Variants in PCDH15 observed in about 807,000 individuals in gnomAD.
PCDH15 encodes the protein protocadherin-15.
In PCDH15, 129 loss-of-function variants were observed where a neutral mutation model predicts 178.5. That is an observed-to-expected ratio of 0.72 (90% CI 0.63 to 0.84). PCDH15 has a LOEUF of 0.84. Ranked by LOEUF, PCDH15 falls within the 40% of genes least tolerant of loss-of-function variation. PCDH15 has a pLI of 0.00. For missense variants in PCDH15, 2,230 were observed against 2,099.9 expected, an observed-to-expected ratio of 1.06 and a Z score of -1.21; for synonymous variants, 800 against 732.0, an observed-to-expected ratio of 1.09 and a Z score of -1.50.
At chr10:55,016,051 G>C (rs1240560506) in intron 2 of PCDH15, among the ~76,000 whole-genome samples, 1 of 145,580 alleles carries the variant, frequency 6.9e-6, no homozygotes, top group South Asian at 2.3e-4. Context: ...CAGCAGGCTT[G>C]AGTTGTAATT....
intron 8 of PCDH15, among the ~76,000 whole-genome samples, chr10:54,271,646 T>C (rs988521514): frequency 1.3e-5 from 2 of 152,132 alleles, no homozygotes; most frequent in African/African-American, 4.8e-5. Flanking sequence ...TAGCAGTTCA[T>C]TGCATTTATC....
At chr10:55,110,661 C>T (rs1483377391) in intron 2 of PCDH15, among the ~76,000 whole-genome samples, 1 of 147,766 alleles carries the variant, frequency 6.8e-6, no homozygotes, top group Admixed American at 6.7e-5. Context: ...AAAAAACCAA[C>T]AAGAGGGTTC....
intron 2 of PCDH15, among the ~76,000 whole-genome samples, chr10:54,993,763 T>A (rs532951700): frequency 5.5e-4 from 84 of 152,192 alleles, no homozygotes; most frequent in African/African-American, 1.8e-3. Flanking sequence ...AAGAGAGGAA[T>A]TAGTAATACA....
intron 2 of PCDH15, among the ~76,000 whole-genome samples, chr10:55,160,473 C>G (rs1237688417): frequency 6.6e-6 from 1 of 151,934 alleles, no homozygotes; most frequent in African/African-American, 2.4e-5. Context: ...ACTCTCGAAA[C>G]TACTTAACAC....
intron 3 of PCDH15, among the ~76,000 whole-genome samples, chr10:54,492,422 G>A (rs2079684582): frequency 2.0e-5 from 3 of 152,088 alleles, no homozygotes; most frequent in Admixed American, 2.0e-4. Context: ...AAAATGTGGT[G>A]GATTATAGTA....
intron 2 of PCDH15, among the ~76,000 whole-genome samples, chr10:55,450,639 T>C (rs1228149845): frequency 6.6e-6 from 1 of 152,148 alleles, no homozygotes; most frequent in Non-Finnish European, 1.5e-5. Flanking sequence ...TTCTATTGTA[T>C]AGTCTTGATA....
chr10:54,681,853 G>A (rs1216487091), intron 1 of PCDH15, among the ~76,000 whole-genome samples: 1 of 152,166 alleles, frequency 6.6e-6, no homozygotes, highest in Non-Finnish European at 1.5e-5. Flanking sequence ...CAAAACAGGA[G>A]AGAGAATGGA....
intron 3 of PCDH15, among the ~76,000 whole-genome samples, chr10:54,498,537 A>G (rs936276086): frequency 2.0e-5 from 3 of 152,192 alleles, no homozygotes; most frequent in Non-Finnish European, 4.4e-5. Flanking sequence ...GCTATCTTCA[A>G]CAGAACCATC....
At chr10:55,547,063 T>C (rs1417126235) in intron 2 of PCDH15, among the ~76,000 whole-genome samples, 2 of 152,060 alleles carry the variant, frequency 1.3e-5, no homozygotes, top group Admixed American at 1.3e-4. Flanking sequence ...AGAATACCCA[T>C]TAGAGGAGTT....
At chr10:54,339,202 C>T (rs2134043092) in intron 6 of PCDH15, among the ~76,000 whole-genome samples, 1 of 152,280 alleles carries the variant, frequency 6.6e-6, no homozygotes, top group African/African-American at 2.4e-5. Context: ...TTATTATCAG[C>T]TCATCAGCTG....
At chr10:54,720,667 A>C (rs1370167696) in intron 1 of PCDH15, among the ~76,000 whole-genome samples, 5 of 151,608 alleles carry the variant, frequency 3.3e-5, no homozygotes, top group Non-Finnish European at 5.9e-5. Flanking sequence ...TTCACAACAA[A>C]GTTTCAATGC....
At chr10:55,122,948 T>C (rs776339416) in intron 2 of PCDH15, among the ~76,000 whole-genome samples, 13 of 152,040 alleles carry the variant, frequency 8.6e-5, no homozygotes, top group Non-Finnish European at 1.5e-4. Flanking sequence ...AAGGTAAAAA[T>C]TTAGAAACTT....
At chr10:54,127,371 CTAGTTCG>C in intron 15 of PCDH15, among the ~76,000 whole-genome samples, 2 of 152,330 alleles carry the variant, frequency 1.3e-5, no homozygotes, top group East Asian at 1.9e-4. Context: ...TGATTCAACA[CTAGTTCG>C]TAAGTGATTG....
intron 21 of PCDH15, among the ~76,000 whole-genome samples, chr10:53,976,266 C>G (rs532248918): frequency 6.6e-6 from 1 of 151,968 alleles, no homozygotes; most frequent in Non-Finnish European, 1.5e-5. Context: ...CATGCTTAAC[C>G]CTAGGTAATG....
intron 3 of PCDH15, among the ~76,000 whole-genome samples, chr10:54,889,500 G>GATATATATATATATATATAT (rs397688090): frequency 0.011 from 1,525 of 141,736 alleles, 18 homozygotes; most frequent in South Asian, 0.027. Context: ...TAATTGTGAA[G>GATATATATATATATATATAT]ATATATATAT....
At chr10:54,951,127 G>A (rs1838327278) in intron 2 of PCDH15, among the ~76,000 whole-genome samples, 1 of 151,708 alleles carries the variant, frequency 6.6e-6, no homozygotes, top group Non-Finnish European at 1.5e-5. Context: ...ATAGACTATG[G>A]GTTTTGACAA....
chr10:53,902,740 C>T (rs917044029), intron 26 of PCDH15, among the ~76,000 whole-genome samples: 1 of 151,922 alleles, frequency 6.6e-6, no homozygotes, highest in African/African-American at 2.4e-5. Context: ...TCCAAGTAAG[C>T]CAACATTCTC....
At chr10:54,873,054 C>T (rs1411366221) in intron 3 of PCDH15, among the ~76,000 whole-genome samples, 2 of 152,040 alleles carry the variant, frequency 1.3e-5, no homozygotes, top group Non-Finnish European at 2.9e-5. Context: ...TGACGAATTC[C>T]ATAAGTTACA....
At chr10:54,249,081 C>T (rs12265553) in intron 8 of PCDH15, among the ~76,000 whole-genome samples, 6,395 of 151,922 alleles carry the variant, frequency 0.042, 332 homozygotes, top group African/African-American at 0.13. Context: ...ATAACCCTAC[C>T]ACCCAATGAT....
Sources: allele counts gnomAD v4.1 joint callset (sites outside exome capture counted in the v4.1 genomes callset), GRCh38; gene constraint gnomAD v4.1.1; transcripts MANE v1.5; gene names NCBI Gene and HGNC (gene_info 2026-07-23, HGNC 2026-07-21).